The following EPHA6 variants were observed in gnomAD, a reference collection of about 807,000 sequenced individuals.
The protein encoded by EPHA6 is ephrin type-A receptor 6.
A neutral mutation model predicts 112.0 loss-of-function variants in EPHA6; 50 were observed. The observed-to-expected ratio is 0.45, with a 90% confidence interval of 0.36 to 0.56. The LOEUF (loss-of-function observed/expected upper bound fraction) is 0.56, where lower values mean the gene tolerates loss of function less well. Among genes scored for constraint, EPHA6 ranks in the 20% least tolerant of loss-of-function variants. The pLI is 0.00. For synonymous variants in EPHA6, 529 were observed against 490.7 expected (o/e 1.08, Z -1.03); for missense variants, 1,280 against 1,417.4 (o/e 0.90, Z 1.56).
chr3:96,980,044 T>C (rs2042698374), intron 2 of EPHA6, among the ~76,000 whole-genome samples: 2 of 152,290 alleles, frequency 1.3e-5, no homozygotes, highest in South Asian at 4.1e-4. Context: ...GTGCAGAAGC[T>C]CTTGAGTTTA....
chr3:96,889,563 A>G (rs2037834511), intron 2 of EPHA6, among the ~76,000 whole-genome samples: 1 of 152,160 alleles, frequency 6.6e-6, no homozygotes, highest in Non-Finnish European at 1.5e-5. Context: ...TGAGAACAGT[A>G]TGGGGGAAAC....
chr3:97,663,507 C>T (rs1392633238), intron 14 of EPHA6, among the ~76,000 whole-genome samples: 1 of 145,100 alleles, frequency 6.9e-6, no homozygotes, highest in Admixed American at 7.0e-5. Flanking sequence ...ACAACAGGCC[C>T]CGGTGTATGA....
intron 14 of EPHA6, among the ~76,000 whole-genome samples, chr3:97,703,960 CA>C (rs2033539654): frequency 6.6e-6 from 1 of 152,034 alleles, no homozygotes; most frequent in Non-Finnish European, 1.5e-5. Context: ...CAAAACAAAA[CA>C]AAAACAAAAG....
chr3:97,737,256 T>C (rs1040919906), intron 16 of EPHA6, among the ~76,000 whole-genome samples: 3 of 151,966 alleles, frequency 2.0e-5, no homozygotes, highest in African/African-American at 7.2e-5. Flanking sequence ...AACAGCATGA[T>C]TACGTTTGCA....
intron 5 of EPHA6, among the ~76,000 whole-genome samples, chr3:97,362,281 G>T (rs1016473892): frequency 1.3e-5 from 2 of 151,986 alleles, no homozygotes; most frequent in Admixed American, 1.3e-4. Flanking sequence ...ATTCAGTATT[G>T]CCAATCAGCT....
chr3:97,407,662 C>A (rs917568625), intron 6 of EPHA6, among the ~76,000 whole-genome samples: 10 of 152,068 alleles, frequency 6.6e-5, no homozygotes, highest in African/African-American at 2.4e-4. Flanking sequence ...GTGAATACAG[C>A]TTGACTATGA....
chr3:97,485,991 A>G (rs1394720837), intron 10 of EPHA6, among the ~76,000 whole-genome samples: 1 of 152,270 alleles, frequency 6.6e-6, no homozygotes, highest in Non-Finnish European at 1.5e-5. Context: ...AGTATAAACA[A>G]TAAGAAGAAA....
intron 3 of EPHA6, among the ~76,000 whole-genome samples, chr3:97,026,179 T>A (rs1375883193): frequency 6.6e-6 from 1 of 150,836 alleles, no homozygotes; most frequent in East Asian, 2.0e-4. Context: ...TGGAGCACTG[T>A]AGTATAGTTT....
intron 7 of EPHA6, among the ~76,000 whole-genome samples, chr3:97,469,936 T>C (rs192903981): frequency 6.6e-6 from 1 of 151,704 alleles, no homozygotes; most frequent in Non-Finnish European, 1.5e-5. Context: ...GATGAAAAAC[T>C]TGACTCTGGA....
chr3:97,488,646 G>C (rs1239585545), intron 10 of EPHA6, among the ~76,000 whole-genome samples: 1 of 152,038 alleles, frequency 6.6e-6, no homozygotes, highest in African/African-American at 2.4e-5. Context: ...TCCAGATGTG[G>C]TTTCACAATT....
intron 2 of EPHA6, among the ~76,000 whole-genome samples, chr3:96,881,283 TA>T (rs1226632388): frequency 2.0e-5 from 3 of 152,158 alleles, no homozygotes; most frequent in Non-Finnish European, 2.9e-5. Context: ...TACCCAAGAC[TA>T]GGAAGAAAAA....
intron 2 of EPHA6, among the ~76,000 whole-genome samples, chr3:96,901,546 C>T (rs1348597765): frequency 6.6e-6 from 1 of 151,658 alleles, no homozygotes; most frequent in Non-Finnish European, 1.5e-5. Context: ...TTATTAAAAT[C>T]TTACTTGTCA....
At chr3:97,646,153 T>G in intron 14 of EPHA6, 1 of 1,534,674 alleles carries the variant, frequency 6.5e-7, no homozygotes, top group Non-Finnish European at 8.7e-7. Context: ...CAATCAGAAC[T>G]GGTTAAAGAA....
chr3:97,683,526 G>A (rs1050901683), intron 14 of EPHA6, among the ~76,000 whole-genome samples: 3 of 152,080 alleles, frequency 2.0e-5, no homozygotes, highest in Non-Finnish European at 4.4e-5. Context: ...TTAAAGTAAC[G>A]AAAAATGAAA....
At chr3:97,076,056 C>T (rs956641885) in intron 3 of EPHA6, among the ~76,000 whole-genome samples, 1 of 152,008 alleles carries the variant, frequency 6.6e-6, no homozygotes, top group African/African-American at 2.4e-5. Flanking sequence ...CAATTAATTA[C>T]CCTACAGTGG....
chr3:97,358,320 A>G (rs1271566165), intron 5 of EPHA6, among the ~76,000 whole-genome samples: 1 of 151,772 alleles, frequency 6.6e-6, no homozygotes, highest in Non-Finnish European at 1.5e-5. Flanking sequence ...AATTCATACC[A>G]GCTTTCCTTC....
At chr3:96,958,247 G>A (rs1005302624) in intron 2 of EPHA6, among the ~76,000 whole-genome samples, 4 of 149,412 alleles carry the variant, frequency 2.7e-5, no homozygotes, top group Admixed American at 6.7e-5. Flanking sequence ...CCGGTACCCC[G>A]CCATTGCACT....
rs142186107 is a variant in EPHA6, at chr3:97,624,127, A to G, written c.2574+13273A>G. Among the ~76,000 whole-genome samples the G allele has an allele frequency of 6.7e-4, 102 of 151,826 alleles. No homozygotes were observed. In the East Asian group the frequency reaches 0.017, roughly 25 times the overall value. On this transcript the variant is annotated intron_variant, in intron 13 of 17. Coordinates refer to ENST00000389672, the MANE Select transcript of EPHA6 (RefSeq NM_001080448.3). ...CCCTCTTCATTATCTTAGAGGAAAA[A>G]CTTTCAATTTATAACGGTCGAGTAT...
At position 96,875,751 on chromosome 3, in the gene EPHA6, A is replaced by G. The variant is rs1248388221; in HGVS notation, c.450+8862A>G. 2.6e-5 allele frequency among the ~76,000 whole-genome samples: 4 copies of G among 152,122 alleles called. No homozygotes were observed. The East Asian group carries it at 5.8e-4, about 22-fold the overall frequency. On this transcript the variant is annotated intron_variant, in intron 2 of 17. Coordinates refer to ENST00000389672, the MANE Select transcript of EPHA6 (RefSeq NM_001080448.3). ...TAATACACATTACACACACACACAT[A>G]CACAAACACACACATCTTTAAAAGG...
Sources: allele counts gnomAD v4.1 joint callset (sites outside exome capture counted in the v4.1 genomes callset), GRCh38; gene constraint gnomAD v4.1.1; transcripts MANE v1.5; gene names NCBI Gene and HGNC (gene_info 2026-07-23, HGNC 2026-07-21).